The following ASCC3 variants were observed in gnomAD, a reference collection of about 807,000 sequenced individuals.
ASCC3 encodes the protein ASC-1 complex subunit P200.
ASCC3 carries 158 observed loss-of-function variants against 256.3 expected under a neutral mutation model. That is an observed-to-expected ratio of 0.62 (90% CI 0.54 to 0.70). The LOEUF (loss-of-function observed/expected upper bound fraction) is 0.70. Among genes scored for constraint, ASCC3 ranks in the 30% least tolerant of loss-of-function variants. The pLI is 0.00. For synonymous variants in ASCC3, 948 were observed against 883.4 expected (o/e 1.07, Z -1.30); for missense variants, 2,259 against 2,626.0 (o/e 0.86, Z 3.05).
chr6:100,615,362 G>A (rs1201751658), intron 30 of ASCC3, among the ~76,000 whole-genome samples: 2 of 148,116 alleles, frequency 1.4e-5, no homozygotes, highest in African/African-American at 5.0e-5. Flanking sequence ...TTTTCTATTC[G>A]ATATTGTTGT....
At chr6:100,609,561 T>C (rs1773285242) in intron 30 of ASCC3, among the ~76,000 whole-genome samples, 1 of 152,162 alleles carries the variant, frequency 6.6e-6, no homozygotes, top group Non-Finnish European at 1.5e-5. Flanking sequence ...ACAAATTTTA[T>C]GGGAAGAAAA....
intron 34 of ASCC3, among the ~76,000 whole-genome samples, chr6:100,590,664 C>T (rs1488210294): frequency 6.6e-6 from 1 of 151,934 alleles, no homozygotes; most frequent in African/African-American, 2.4e-5. Flanking sequence ...TCCCTAAGAC[C>T]CCATCATGAT....
chr6:100,832,821 T>C (rs73760723), intron 4 of ASCC3, among the ~76,000 whole-genome samples: 317 of 152,026 alleles, frequency 2.1e-3, no homozygotes, highest in African/African-American at 7.5e-3. Context: ...GCTTAGAAAC[T>C]AAAAGATGTT....
In ASCC3 at chr6:100,703,232, A is replaced by G. The variant is rs1430726432; in HGVS notation, c.2151+12230T>C. ...TAGAAATTTAAAAACGTAAGAGGAC[A>G]ATAATTTTCAACCCCTTTCTAAAAA... On this transcript the variant is annotated intron_variant, in intron 13 of 41. Transcript: ENST00000369162. Among the ~76,000 whole-genome samples, 5 of 152,126 alleles carry G rather than the reference A, an allele frequency of 3.3e-5. No individual in the cohort carries two copies. The East Asian group carries it at 5.8e-4, about 18-fold the overall frequency.
chr6:100,687,566 C>T (rs1318278817), intron 13 of ASCC3, among the ~76,000 whole-genome samples: 3 of 151,220 alleles, frequency 2.0e-5, no homozygotes, highest in African/African-American at 4.9e-5. Context: ...TATTTTGAAC[C>T]GGAGAAATAA....
At chr6:100,801,518 C>G (rs911039579) in intron 5 of ASCC3, among the ~76,000 whole-genome samples, 18 of 152,158 alleles carry the variant, frequency 1.2e-4, no homozygotes, top group African/African-American at 3.1e-4. Context: ...AATTCTCAGA[C>G]AGTTGTTACT....
At chr6:100,865,355 T>A (rs1712226354) in intron 2 of ASCC3, among the ~76,000 whole-genome samples, 1 of 152,224 alleles carries the variant, frequency 6.6e-6, no homozygotes, top group Admixed American at 6.5e-5. Flanking sequence ...GATAAGCTTG[T>A]AGTACTTACA....
intron 11 of ASCC3, among the ~76,000 whole-genome samples, chr6:100,720,735 G>A (rs1180338813): frequency 1.3e-5 from 2 of 150,980 alleles, no homozygotes; most frequent in African/African-American, 2.4e-5. Context: ...AAGGTTTATG[G>A]GCAAAGTAGT....
intron 2 of ASCC3, among the ~76,000 whole-genome samples, chr6:100,864,974 A>C (rs4840156): frequency 0.23 from 34,256 of 152,110 alleles, 4,523 homozygotes; most frequent in Middle Eastern, 0.32. Flanking sequence ...AAGCTTTCAA[A>C]CCAAATGAAA....
chr6:100,646,793 A>C (rs1775404298), intron 21 of ASCC3, 24 bp from the exon 22 acceptor site: 1 of 1,611,300 alleles, frequency 6.2e-7, no homozygotes, highest in African/African-American at 1.3e-5. Context: ...ATCACATAGA[A>C]GAAATGTGTC....
chr6:100,682,518 G>C (rs1777356396), intron 13 of ASCC3, among the ~76,000 whole-genome samples: 1 of 152,158 alleles, frequency 6.6e-6, no homozygotes, highest in Non-Finnish European at 1.5e-5. Context: ...TTGAACCAAA[G>C]AGAAGATAAC....
intron 8 of ASCC3, among the ~76,000 whole-genome samples, chr6:100,777,475 CA>C (rs544803134): frequency 1.4e-4 from 21 of 149,334 alleles, no homozygotes; most frequent in African/African-American, 4.2e-4. Context: ...GGGTGGAAGA[CA>C]AAAAAAAATC....
At chr6:100,694,311 TAAA>T (rs369515563) in intron 13 of ASCC3, among the ~76,000 whole-genome samples, 1 of 130,806 alleles carries the variant, frequency 7.6e-6, no homozygotes. Flanking sequence ...TAGAATAAAT[TAAA>T]AAAAAAAAAA....
chr6:100,778,624 T>C (rs1005768398), intron 8 of ASCC3, among the ~76,000 whole-genome samples: 2 of 152,108 alleles, frequency 1.3e-5, no homozygotes, highest in African/African-American at 4.8e-5. Flanking sequence ...AGTCACAAGA[T>C]TAAACTTCAA....
chr6:100,689,015 G>A (rs1402026823), intron 13 of ASCC3, among the ~76,000 whole-genome samples: 1 of 152,062 alleles, frequency 6.6e-6, no homozygotes, highest in Admixed American at 6.6e-5. Flanking sequence ...TCTTCCTGTT[G>A]TTTAAAACCT....
chr6:100,519,507 A>G (rs1186446534), intron 37 of ASCC3, among the ~76,000 whole-genome samples: 1 of 152,128 alleles, frequency 6.6e-6, no homozygotes, highest in East Asian at 1.9e-4. Context: ...AGTATATGAG[A>G]CAACAGGTCA....
chr6:100,713,686 T>G (rs1778961922), intron 13 of ASCC3, among the ~76,000 whole-genome samples: 1 of 152,138 alleles, frequency 6.6e-6, no homozygotes, highest in Non-Finnish European at 1.5e-5. Context: ...CATTCAATTT[T>G]ACTGTGAACC....
intron 10 of ASCC3, among the ~76,000 whole-genome samples, chr6:100,757,138 C>G (rs2172842): frequency 6.6e-6 from 1 of 152,116 alleles, no homozygotes; most frequent in East Asian, 1.9e-4. Flanking sequence ...TATTCTAATA[C>G]ATGAGAATAA....
chr6:100,683,495 T>C (rs1029277275), intron 13 of ASCC3, among the ~76,000 whole-genome samples: 4 of 152,260 alleles, frequency 2.6e-5, no homozygotes, highest in Non-Finnish European at 5.9e-5. Context: ...AAAAATTTCA[T>C]TGAAGTCATT....
Sources: allele counts gnomAD v4.1 joint callset (sites outside exome capture counted in the v4.1 genomes callset), GRCh38; gene constraint gnomAD v4.1.1; transcripts MANE v1.5; gene names NCBI Gene and HGNC (gene_info 2026-07-23, HGNC 2026-07-21).